The following CMC1 variants were observed in gnomAD, a reference collection of about 807,000 sequenced individuals.
CMC1 encodes the protein COX assembly mitochondrial protein homolog.
A neutral mutation model predicts 14.1 loss-of-function variants in CMC1; 14 were observed. That is an observed-to-expected ratio of 0.99 (90% CI 0.66 to 1.55). The LOEUF (loss-of-function observed/expected upper bound fraction) is 1.55, where lower values mean the gene tolerates loss of function less well. Among genes scored for constraint, CMC1 ranks in the 40% most tolerant of loss-of-function variants. The pLI, the probability that CMC1 is intolerant of heterozygous loss-of-function variation, is 0.00. For missense variants in CMC1, 127 were observed against 123.8 expected, an observed-to-expected ratio of 1.03 and a Z score of -0.12; for synonymous variants, 50 against 38.4, an observed-to-expected ratio of 1.30 and a Z score of -1.12.
chr3:28,274,371 A>G (rs1328313543), intron 2 of CMC1, among the ~76,000 whole-genome samples: 1 of 151,740 alleles, frequency 6.6e-6, no homozygotes, highest in Non-Finnish European at 1.5e-5. Context: ...TCACCTAGGA[A>G]GCTTAGTTTG....
At position 28,316,372 on chromosome 3, in the gene CMC1, T is replaced by G; in HGVS notation, c.149T>G (p.Val50Gly). 6.3e-7 allele frequency: 1 copy of G among 1,596,454 alleles called. No individual in the cohort carries two copies. Among genetic ancestry groups the G allele is most frequent in the Non-Finnish European group, 8.5e-7 (1 of 1,173,288 alleles). The change falls in exon 3 of 4, where the codon GTA becomes GGA. Residue 50 changes from valine to glycine, a missense_variant. Transcript: ENST00000466830. ...TGCAAGAACTCTGGAGTTCTTATGG[T>G]AGTAAAATGCCGGAAAGAAAATTCT... ...KCCKNSGVLM[V>G]VKCRKENSAL...
chr3:28,257,639 C>A (rs1699482820), intron 1 of CMC1, among the ~76,000 whole-genome samples: 1 of 152,112 alleles, frequency 6.6e-6, no homozygotes, highest in Non-Finnish European at 1.5e-5. Context: ...CTGCCTCAGC[C>A]TCCCGAATGG....
chr3:28,248,464 G>T (rs1191534008), intron 1 of CMC1, among the ~76,000 whole-genome samples: 1 of 152,150 alleles, frequency 6.6e-6, no homozygotes, highest in Admixed American at 6.5e-5. Flanking sequence ...TGAGAAGTAG[G>T]GAAAGAGATG....
chr3:28,310,870 T>G (rs1702603079), intron 2 of CMC1, among the ~76,000 whole-genome samples: 1 of 152,056 alleles, frequency 6.6e-6, no homozygotes, highest in African/African-American at 2.4e-5. Context: ...TCATAAGGAG[T>G]GTGCAGCCTA....
intron 2 of CMC1, among the ~76,000 whole-genome samples, chr3:28,269,988 T>G (rs1287827064): frequency 6.6e-6 from 1 of 152,184 alleles, no homozygotes; most frequent in South Asian, 2.1e-4. Context: ...GCTTTCTCAT[T>G]GTTCAGCTCC....
intron 2 of CMC1, among the ~76,000 whole-genome samples, chr3:28,289,941 A>G (rs963622741): frequency 6.6e-6 from 1 of 152,170 alleles, no homozygotes; most frequent in Non-Finnish European, 1.5e-5. Context: ...TGGAATTTAT[A>G]AAACAAAAGA....
At chr3:28,277,097 G>T (rs1290095199) in intron 2 of CMC1, among the ~76,000 whole-genome samples, 1 of 152,114 alleles carries the variant, frequency 6.6e-6, no homozygotes, top group African/African-American at 2.4e-5. Flanking sequence ...GAGATAGAAA[G>T]TATAGAATAA....
intron 2 of CMC1, among the ~76,000 whole-genome samples, chr3:28,301,594 C>T (rs1300342248): frequency 3.3e-5 from 5 of 150,218 alleles, no homozygotes; most frequent in African/African-American, 1.2e-4. Context: ...CTACTGCGAT[C>T]GAATTTGGAG....
chr3:28,275,409 C>G (rs1700530449), intron 2 of CMC1, among the ~76,000 whole-genome samples: 3 of 149,240 alleles, frequency 2.0e-5, no homozygotes, highest in Non-Finnish European at 3.0e-5. Context: ...CGCTTCAGAC[C>G]CTATTTACCT....
intron 1 of CMC1, among the ~76,000 whole-genome samples, chr3:28,256,163 G>A (rs547610376): frequency 6.6e-6 from 1 of 150,874 alleles, no homozygotes; most frequent in East Asian, 1.9e-4. Context: ...CTTAAGATGG[G>A]TATATATATA....
chr3:28,266,168 G>C (rs1434528986), intron 2 of CMC1, among the ~76,000 whole-genome samples: 5 of 152,090 alleles, frequency 3.3e-5, no homozygotes, highest in Admixed American at 1.3e-4. Flanking sequence ...AATGTACACT[G>C]AATTAGTCTG....
chr3:28,277,977 G>C (rs890612811), intron 2 of CMC1, among the ~76,000 whole-genome samples: 1 of 121,072 alleles, frequency 8.3e-6, no homozygotes, highest in African/African-American at 3.0e-5. Flanking sequence ...TTTATAATCA[G>C]CTCTCATTGC....
intron 1 of CMC1, among the ~76,000 whole-genome samples, chr3:28,253,454 G>C (rs574988297): frequency 6.6e-6 from 1 of 152,070 alleles, no homozygotes; most frequent in Non-Finnish European, 1.5e-5. Context: ...GGTGGTGTGT[G>C]CCTGTGTTTC....
intron 1 of CMC1, among the ~76,000 whole-genome samples, chr3:28,258,532 C>G (rs1262143126): frequency 2.8e-5 from 4 of 143,060 alleles, no homozygotes; most frequent in Non-Finnish European, 4.5e-5. Flanking sequence ...CACCATTTGT[C>G]GAAAATAATT....
rs1559451579 is a variant in CMC1, at chr3:28,319,545, G to C, written c.237G>C (p.Met79Ile). Residue 79 changes from methionine to isoleucine, a missense_variant, in exon 4 of 4, where the codon ATG becomes ATC. Met to Ile is a conservative substitution (Grantham distance 10, BLOSUM62 1). Transcript: ENST00000466830. ...NDPAFYEECK[M>I]EYLKEREEFR... ...CAGCCTTTTATGAAGAATGCAAAAT[G>C]GAATACCTGAAGGAAAGGGAAGAAT... The C allele has an allele frequency of 2.5e-6, 4 of 1,605,644 alleles. No individual in the cohort carries two copies. The highest frequency in any genetic ancestry group is 2.6e-6 in the Non-Finnish European group (3 of 1,174,628).
chr3:28,246,471 G>A (rs1698836435), intron 1 of CMC1, among the ~76,000 whole-genome samples: 1 of 152,134 alleles, frequency 6.6e-6, no homozygotes. Flanking sequence ...AGAACAATGG[G>A]AAGACACTGC....
intron 2 of CMC1, among the ~76,000 whole-genome samples, chr3:28,305,185 A>G (rs1327340972): frequency 6.6e-6 from 1 of 152,110 alleles, no homozygotes; most frequent in Non-Finnish European, 1.5e-5. Flanking sequence ...AACATGCGGT[A>G]TTTGTCTATT....
At chr3:28,263,408 C>A (rs759474015) in intron 2 of CMC1, 28 bp downstream of exon 2, 41 of 1,393,568 alleles carry the variant, frequency 2.9e-5, no homozygotes, top group Non-Finnish European at 3.5e-5. Context: ...ATGTAAAGAT[C>A]AAATTTATTT....
intron 1 of CMC1, among the ~76,000 whole-genome samples, chr3:28,250,540 C>T (rs1295447238): frequency 1.3e-5 from 2 of 152,150 alleles, no homozygotes; most frequent in East Asian, 3.9e-4. Flanking sequence ...CAGTTCCATC[C>T]ACCACCCTTT....
Sources: allele counts gnomAD v4.1 joint callset (sites outside exome capture counted in the v4.1 genomes callset), GRCh38; gene constraint gnomAD v4.1.1; transcripts MANE v1.5; gene names NCBI Gene and HGNC (gene_info 2026-07-23, HGNC 2026-07-21).